OAS3: variants seen among roughly 807,000 people sequenced by gnomAD.
The protein encoded by OAS3 is 2'-5'-oligoadenylate synthetase 3, also known as 2'-5'-oligoadenylate synthase 3.
In OAS3, 107 loss-of-function variants were observed where a neutral mutation model predicts 113.0. That is an observed-to-expected ratio of 0.95 (90% CI 0.81 to 1.11). The LOEUF (loss-of-function observed/expected upper bound fraction) is 1.11, where lower values mean the gene tolerates loss of function less well. Ranked by LOEUF, OAS3 falls within the 50% of genes most tolerant of loss-of-function variation. OAS3 has a pLI of 0.00. For missense variants in OAS3, 1,258 were observed against 1,389.1 expected (o/e 0.91, Z 1.50); for synonymous variants, 552 against 573.6 (o/e 0.96, Z 0.54).
rs768829037 is a variant in OAS3 at position 112,968,108 on chromosome 12, C to A, written c.3038C>A (p.Thr1013Asn). 10 of 1,613,796 alleles carry A rather than the reference C, an allele frequency of 6.2e-6. No individual in the cohort carries two copies. The highest frequency in any genetic ancestry group is 5.3e-5 in the African/African-American group (4 of 74,890). ...TQYRQLCIYW[T>N]INYNAKDKTV... ...TACCGCCAGCTCTGTATCTACTGGA[C>A]CATCAACTACAACGCCAAGGACAAG... Residue 1013 changes from threonine (T) to asparagine (N), a missense_variant, in exon 14 of 16, where the codon ACC (threonine) becomes AAC (asparagine). Transcript: ENST00000228928.
chr12:112,962,959 C>T (rs748802217), intron 9 of OAS3, 57 bp downstream of exon 9: 230 of 1,599,146 alleles, frequency 1.4e-4, no homozygotes, highest in Non-Finnish European at 1.9e-4. Flanking sequence ...CCACTGTCAC[C>T]CTGGAGTCAG....
Position 112,950,691 on chromosome 12 carries a change from AG to A in OAS3, c.1379del. On this transcript the variant is annotated splice_acceptor_variant, in intron 6 of 15. Transcript: ENST00000228928. LOFTEE classifies it high-confidence loss of function. ...TGATCTGAGCTGTTCTTCCCTCCAC[AG>A]GGGGGCTCATTTGGCCGGGGCACAG... 13 of 1,613,844 alleles carry A rather than the reference AG, an allele frequency of 8.1e-6. No individual in the cohort carries two copies. The highest frequency in any genetic ancestry group is 2.2e-5 in the East Asian group (1 of 44,880).
chr12:112,957,556 G>GC (rs1181738830), intron 7 of OAS3, among the ~76,000 whole-genome samples: 1 of 152,150 alleles, frequency 6.6e-6, no homozygotes, highest in African/African-American at 2.4e-5. Context: ...CTCAGCATTT[G>GC]CTTGTCTGTA....
chr12:112,953,737 A>T (rs949379633), intron 7 of OAS3, among the ~76,000 whole-genome samples: 7 of 152,160 alleles, frequency 4.6e-5, no homozygotes, highest in Non-Finnish European at 8.8e-5. Context: ...TCTGATGGCC[A>T]GTGATGATGA....
Position 112,963,258 on chromosome 12 carries a change from C to T in OAS3, c.2085-55C>T, listed in dbSNP as rs577114519. 7.6e-5 allele frequency: 114 copies of T among 1,503,718 alleles called. No homozygotes were observed. In the African/African-American group the frequency reaches 8.8e-4, roughly 12 times the overall value. The allele number at this position is 1,503,718 out of a possible 1,614,324, so 93.1% of individuals were successfully genotyped here. A position where few individuals can be genotyped will look rare whatever the true frequency, so the allele number is the denominator to read the frequency against. The stretch of plus-strand genomic sequence containing the variant: ...CGCCCCTTTTCAGCCCTTCCACCCG[C>T]CTCCTCTTTCACTGACTCCCACCTT... On this transcript the variant is annotated intron_variant, in intron 9 of 15. Coordinates refer to ENST00000228928, the MANE Select transcript of OAS3 (RefSeq NM_006187.4). This position sits in a 1 kb window ranked among gnomAD's most constrained non-coding sequence, Gnocchi z 4.6.
At position 112,972,534 on chromosome 12, in the gene OAS3, T is replaced by G. The variant is rs766210515; in HGVS notation, c.*2561T>G. On this transcript the variant is annotated 3_prime_UTR_variant, in exon 16 of 16. Transcript: ENST00000228928. ...AGGTAAGTTGACGCTAAAGTTCTTA[T>G]GGAAAAATACACACGCAATAGCTAG... is the stretch of plus-strand genomic sequence containing the variant. 4 of 152,226 alleles carry G rather than the reference T, an allele frequency of 2.6e-5. No homozygotes were observed. The highest frequency in any genetic ancestry group is 2.9e-5 in the Non-Finnish European group (2 of 68,062). The allele number at this position is 152,226 out of a possible 1,614,324, so 9.4% of individuals were successfully genotyped here. A position where few individuals can be genotyped will look rare whatever the true frequency, so the allele number is the denominator to read the frequency against.
Position 112,968,107 on chromosome 12 carries a change from A to C in OAS3, c.3037A>C (p.Thr1013Pro), listed in dbSNP as rs747242361. ...TQYRQLCIYW[T>P]INYNAKDKTV... ...GTACCGCCAGCTCTGTATCTACTGGACCATCAACTACAACGCCAAGGACAA... is the reference window on the plus strand; with the variant it reads ...GTACCGCCAGCTCTGTATCTACTGGCCCATCAACTACAACGCCAAGGACAA... The change falls in exon 14 of 16, where the codon ACC (threonine) becomes CCC (proline). Residue 1013 changes from threonine (T) to proline (P), a missense_variant. Thr to Pro is a conservative substitution (Grantham distance 38). Transcript: ENST00000228928. 6.2e-7 allele frequency: 1 copy of C among 1,613,940 alleles called. No homozygotes were observed.
Position 112,963,254 on chromosome 12 carries a change from C to T in OAS3, c.2085-59C>T. ...CTCACGCCCCTTTTCAGCCCTTCCA[C>T]CCGCCTCCTCTTTCACTGACTCCCA... On this transcript the variant is annotated intron_variant, in intron 9 of 15. Transcript: ENST00000228928. The surrounding 1 kb of genome is among the most constrained non-coding windows in gnomAD (Gnocchi z 4.6). 7 of 1,493,458 alleles carry T rather than the reference C, an allele frequency of 4.7e-6. No homozygotes were observed. Among genetic ancestry groups the T allele is most frequent in the Non-Finnish European group, 6.3e-6 (7 of 1,115,008 alleles). The allele number at this position is 1,493,458 out of a possible 1,614,324, so 92.5% of individuals were successfully genotyped here.
In OAS3 at chr12:112,967,983, G is replaced by T. The variant is rs771396348; in HGVS notation, c.2913G>T (p.Gly971=). The change falls in exon 14 of 16, where the codon GGG becomes GGT. Residue 971 remains glycine, a synonymous_variant. Coordinates refer to ENST00000228928, the MANE Select transcript of OAS3 (RefSeq NM_006187.4). ...GAGGCTCCCTACCCCCACAGCACGG[G>T]CTGGAACTCCTGACTGTGTATGCCT... is the stretch of plus-strand genomic sequence containing the variant. ...KGRGSLPPQH[G]LELLTVYAWE... is the part of the protein sequence containing the mutation. 5 of 1,614,002 alleles carry T rather than the reference G, an allele frequency of 3.1e-6. No homozygotes were observed. Among genetic ancestry groups the T allele is most frequent in the Middle Eastern group, 1.6e-4 (1 of 6,062 alleles).
rs115590052 is a variant in OAS3 at position 112,942,624 on chromosome 12, G to A, written c.460+772G>A. ...TCCCAGCTACTGGAGAGGCTGAGGTGGGAGGATTGTTTGAGCCCAGGCAGT... is the reference window on the plus strand; with the variant it reads ...TCCCAGCTACTGGAGAGGCTGAGGTAGGAGGATTGTTTGAGCCCAGGCAGT... On this transcript the variant is annotated intron_variant, in intron 2 of 15. Coordinates refer to ENST00000228928, the MANE Select transcript of OAS3 (RefSeq NM_006187.4). Among the ~76,000 whole-genome samples, 952 of 151,922 alleles carry A rather than the reference G, an allele frequency of 6.3e-3. 12 individuals are homozygous for A. Among genetic ancestry groups the A allele is most frequent in the African/African-American group, 0.02 (825 of 41,410 alleles).
rs375736048 is a variant in OAS3 at position 112,965,738 on chromosome 12, C to G, written c.2404-6C>G. On this transcript the variant is annotated splice_region_variant and splice_polypyrimidine_tract_variant and intron_variant, in intron 11 of 15. Coordinates refer to ENST00000228928, the MANE Select transcript of OAS3 (RefSeq NM_006187.4). ...AGGGTTGAGCCACCTGCCATGTCCT[C>G]TCCAGGGTGGCTCTTCAGCCAAAGG... 1 of 1,606,078 alleles carries G rather than the reference C, an allele frequency of 6.2e-7. No individual in the cohort carries two copies. The highest frequency in any genetic ancestry group is 1.1e-5 in the South Asian group (1 of 90,450).
chr12:112,948,249 A>G (rs1448865003), intron 5 of OAS3, 150 bp downstream of exon 5: 7 of 738,102 alleles, frequency 9.5e-6, no homozygotes, highest in East Asian at 3.4e-5. Context: ...TAATCTCAAC[A>G]CATTGGGAGG....
Position 112,938,596 on chromosome 12 carries a change from G to T in OAS3, c.66G>T (p.Arg22=), listed in dbSNP as rs777730410. Residue 22 remains arginine (R), a synonymous_variant, in exon 1 of 16, where the codon CGG becomes CGT. Transcript: ENST00000228928. ...DRFVARRLQP[R]KEFVEKARRA... ...TCGTGGCCAGAAGGCTGCAGCCGCG[G>T]AAGGAGTTCGTAGAGAAGGCGCGGC... 6.2e-7 allele frequency: 1 copy of T among 1,610,748 alleles called. No homozygotes were observed. The highest frequency in any genetic ancestry group is 2.2e-5 in the East Asian group (1 of 44,770).
At position 112,963,253 on chromosome 12, in the gene OAS3, A is replaced by G; in HGVS notation, c.2085-60A>G. 2 of 1,484,044 alleles carry G rather than the reference A, an allele frequency of 1.3e-6. No individual in the cohort carries two copies. Among genetic ancestry groups the G allele is most frequent in the Admixed American group, 2.2e-5 (1 of 45,980 alleles). The allele number at this position is 1,484,044 out of a possible 1,614,324, so 91.9% of individuals were successfully genotyped here. On this transcript the variant is annotated intron_variant, in intron 9 of 15. Transcript: ENST00000228928. The surrounding 1 kb of genome is among the most constrained non-coding windows in gnomAD (Gnocchi z 4.6). ...CCTCACGCCCCTTTTCAGCCCTTCCACCCGCCTCCTCTTTCACTGACTCCC... is the reference window on the plus strand; with the variant it reads ...CCTCACGCCCCTTTTCAGCCCTTCCGCCCGCCTCCTCTTTCACTGACTCCC...
rs1490765666 is a variant in OAS3 at position 112,946,799 on chromosome 12, G to C, written c.693G>C (p.Leu231Phe). 1.2e-6 allele frequency: 2 copies of C among 1,613,478 alleles called. No homozygotes were observed. The highest frequency in any genetic ancestry group is 1.3e-5 in the African/African-American group (1 of 74,934). ...ETLPPVYALELLTIFAWEQGC... is the reference protein window; with the variant it reads ...ETLPPVYALEFLTIFAWEQGC... ...TGCCCCCGGTCTATGCCCTGGAATTGCTGACCATCTTCGCCTGGGAGCAGG... is the reference window on the plus strand; with the variant it reads ...TGCCCCCGGTCTATGCCCTGGAATTCCTGACCATCTTCGCCTGGGAGCAGG... Residue 231 changes from leucine to phenylalanine, a missense_variant, in exon 4 of 16, where the codon TTG (leucine) becomes TTC (phenylalanine). Transcript: ENST00000228928.
intron 7 of OAS3, among the ~76,000 whole-genome samples, chr12:112,952,233 T>G (rs1248789794): frequency 6.6e-6 from 1 of 152,248 alleles, no homozygotes; most frequent in African/African-American, 2.4e-5. Flanking sequence ...TGCATAATAT[T>G]ATATTTTATT....
intron 1 of OAS3, among the ~76,000 whole-genome samples, chr12:112,940,312 G>A (rs1388942927): frequency 6.6e-6 from 1 of 152,170 alleles, no homozygotes; most frequent in Non-Finnish European, 1.5e-5. Context: ...GGATAAGTAG[G>A]GGGTCCCAGT....
rs760359985 is a variant in OAS3, at chr12:112,965,780, C to A, written c.2440C>A (p.Arg814Ser). Residue 814 changes from arginine (R) to serine (S), a missense_variant, in exon 12 of 16, where the codon CGC becomes AGC. Transcript: ENST00000228928. ...SSAKGTALRG[R>S]SDADLVVFLS... ...AGCCAAAGGCACAGCTCTGCGAGGCCGCTCAGATGCCGACCTCGTGGTGTT... is the reference window on the plus strand; with the variant it reads ...AGCCAAAGGCACAGCTCTGCGAGGCAGCTCAGATGCCGACCTCGTGGTGTT... 1 of 1,613,318 alleles carries A rather than the reference C, an allele frequency of 6.2e-7. No homozygotes were observed. The highest frequency in any genetic ancestry group is 8.5e-7 in the Non-Finnish European group (1 of 1,179,838).
intron 7 of OAS3, among the ~76,000 whole-genome samples, chr12:112,956,266 G>A (rs981753072): frequency 2.0e-5 from 3 of 151,804 alleles, no homozygotes; most frequent in African/African-American, 7.3e-5. Context: ...TATCAATTTT[G>A]TTCATCTTTT....
Sources: gnomAD v4.1 joint callset for allele counts (sites outside exome capture counted in the v4.1 genomes callset) on GRCh38, gnomAD v4.1.1 for gene constraint, Gnocchi (gnomAD v3.1) non-coding constraint, MANE v1.5 for transcripts, NCBI Gene and HGNC (gene_info 2026-07-23, HGNC 2026-07-21) for gene names.